The following PCDHA13 variants were observed in gnomAD, a reference collection of about 807,000 sequenced individuals.
The protein encoded by PCDHA13 is protocadherin alpha-13.
PCDHA13 carries 54 observed loss-of-function variants against 64.8 expected under a neutral mutation model. The observed-to-expected ratio is 0.83, with a 90% CI of 0.67 to 1.04. The LOEUF (loss-of-function observed/expected upper bound fraction) is 1.04, where lower values mean the gene tolerates loss of function less well. PCDHA13 is among the 50% of genes least tolerant of loss of function. PCDHA13 has a pLI of 0.00. For missense variants in PCDHA13, 1,248 were observed against 1,254.3 expected, an observed-to-expected ratio of 0.99 and a Z score of 0.08; for synonymous variants, 587 against 564.4, an observed-to-expected ratio of 1.04 and a Z score of -0.57.
intron 1 of PCDHA13, among the ~76,000 whole-genome samples, chr5:140,951,227 G>A (rs181202222): frequency 1.3e-5 from 2 of 152,044 alleles, no homozygotes; most frequent in African/African-American, 2.4e-5. Flanking sequence ...ATTCTTGATG[G>A]TCTTTACCTT....
intron 3 of PCDHA13, among the ~76,000 whole-genome samples, chr5:141,008,176 C>T (rs2098363819): frequency 6.6e-6 from 1 of 152,032 alleles, no homozygotes; most frequent in East Asian, 1.9e-4. Context: ...AAAATGTGAC[C>T]ATTGATTGTG....
At chr5:140,980,160 T>C (rs1408251279) in intron 2 of PCDHA13, among the ~76,000 whole-genome samples, 1 of 152,140 alleles carries the variant, frequency 6.6e-6, no homozygotes, top group East Asian at 1.9e-4. Context: ...TACCAGAATA[T>C]TAGGTATCAG....
rs1554181755 is a variant in PCDHA13 at position 140,884,574 on chromosome 5, T to C, written c.2306T>C (p.Leu769Pro). Residue 769 changes from leucine to proline, a missense_variant, in exon 1 of 4, where the codon CTC becomes CCC. By Grantham distance (98) the Leu-to-Pro change is moderately conservative. Coordinates refer to ENST00000289272, the MANE Select transcript of PCDHA13 (RefSeq NM_018904.3). ...GGGGAGGGCCCGCATAAGACGGACC[T>C]CATGGCCTTCAGTCCCAGCCTTCCT... Reference protein sequence around the residue: ...CSGEGPHKTDLMAFSPSLPPC... With the variant: ...CSGEGPHKTDPMAFSPSLPPC... The C allele has an allele frequency of 6.2e-7, 1 of 1,614,014 alleles. No homozygotes were observed. Among genetic ancestry groups the C allele is most frequent in the East Asian group, 2.2e-5 (1 of 44,890 alleles).
intron 1 of PCDHA13, among the ~76,000 whole-genome samples, chr5:140,885,773 G>T (rs1419137937): frequency 6.6e-6 from 1 of 152,016 alleles, no homozygotes; most frequent in African/African-American, 2.4e-5. Flanking sequence ...TATAGTATTA[G>T]TGAATTTGAG....
intron 2 of PCDHA13, 171 bp downstream of exon 2, chr5:140,979,178 G>T: frequency 1.1e-6 from 1 of 944,140 alleles, no homozygotes; most frequent in Non-Finnish European, 1.3e-6. Flanking sequence ...GATCGCAAAT[G>T]GTCAGTGCCA....
At chr5:140,995,025 C>A (rs1304675289) in intron 3 of PCDHA13, among the ~76,000 whole-genome samples, 1 of 152,146 alleles carries the variant, frequency 6.6e-6, no homozygotes, top group Non-Finnish European at 1.5e-5. Context: ...AAAGAAGATT[C>A]TTTTAAGTTT....
intron 1 of PCDHA13, among the ~76,000 whole-genome samples, chr5:140,942,069 A>G (rs1384507706): frequency 1.3e-5 from 2 of 152,234 alleles, no homozygotes; most frequent in Non-Finnish European, 2.9e-5. Flanking sequence ...TAATTGAGCC[A>G]AGAGAGCACA....
intron 1 of PCDHA13, among the ~76,000 whole-genome samples, chr5:140,910,738 C>G (rs2075147470): frequency 6.6e-6 from 1 of 152,098 alleles, no homozygotes; most frequent in Non-Finnish European, 1.5e-5. Context: ...GCTAACCAAG[C>G]ACATAAATTA....
intron 2 of PCDHA13, among the ~76,000 whole-genome samples, chr5:140,979,752 G>A (rs1048851264): frequency 4.6e-5 from 7 of 152,138 alleles, no homozygotes; most frequent in South Asian, 2.1e-4. Context: ...CATTATTTGC[G>A]AATGTCTTTG....
chr5:140,928,533 T>C (rs112671808), intron 1 of PCDHA13: 1 of 1,614,230 alleles, frequency 6.2e-7, no homozygotes, highest in African/African-American at 1.3e-5. Flanking sequence ...TTGTGGTAGA[T>C]AGGAATGACA....
chr5:140,887,321 C>A (rs1277860165), intron 1 of PCDHA13, among the ~76,000 whole-genome samples: 4 of 152,150 alleles, frequency 2.6e-5, no homozygotes, highest in Non-Finnish European at 5.9e-5. Flanking sequence ...TAGTCTCGAA[C>A]TCCTGACCTC....
intron 1 of PCDHA13, among the ~76,000 whole-genome samples, chr5:140,962,568 A>G (rs915587591): frequency 6.6e-6 from 1 of 152,222 alleles, no homozygotes; most frequent in Non-Finnish European, 1.5e-5. Context: ...CTAAAAGCCA[A>G]TTGTTAATGC....
At chr5:140,927,142 G>T (rs781883795) in intron 1 of PCDHA13, 1 of 1,614,128 alleles carries the variant, frequency 6.2e-7, no homozygotes, top group South Asian at 1.1e-5. Context: ...GGCGGACCGC[G>T]AACAGCTGTG....
At chr5:140,968,332 C>T (rs2096240603) in intron 1 of PCDHA13, 2 of 1,614,158 alleles carry the variant, frequency 1.2e-6, no homozygotes, top group Non-Finnish European at 1.7e-6. Flanking sequence ...CCTCCTATGT[C>T]TCCATTAACA....
At chr5:140,941,401 C>T (rs1200707950) in intron 1 of PCDHA13, among the ~76,000 whole-genome samples, 1 of 149,796 alleles carries the variant, frequency 6.7e-6, no homozygotes, top group Non-Finnish European at 1.5e-5. Flanking sequence ...ACTGCAACCT[C>T]CGCCTCCCGG....
intron 1 of PCDHA13, among the ~76,000 whole-genome samples, chr5:140,962,962 A>G (rs1273558602): frequency 1.3e-5 from 2 of 152,194 alleles, no homozygotes; most frequent in South Asian, 2.1e-4. Flanking sequence ...CTATCCCTAT[A>G]TAGGAAATTT....
chr5:140,882,587 G>C lies in PCDHA13; in HGVS notation c.319G>C (p.Glu107Gln), dbSNP rs559310344. The C allele has an allele frequency of 5.6e-6, 9 of 1,614,256 alleles. No individual in the cohort carries two copies. The highest frequency in any genetic ancestry group is 6.8e-6 in the Non-Finnish European group (8 of 1,180,048). Residue 107 changes from glutamate (E) to glutamine (Q), a missense_variant, in exon 1 of 4, where the codon GAG (glutamate) becomes CAG (glutamine). Coordinates refer to ENST00000289272, the MANE Select transcript of PCDHA13 (RefSeq NM_018904.3). ...GAGCGCGGAGTGCAGCATCCACCTG[G>C]AGGTGATCGTGGACAGGCCTCTGCA... ...GRSAECSIHL[E>Q]VIVDRPLQVF...
At chr5:140,980,350 G>T (rs1382723470) in intron 2 of PCDHA13, among the ~76,000 whole-genome samples, 1 of 152,128 alleles carries the variant, frequency 6.6e-6, no homozygotes, top group Admixed American at 6.5e-5. Context: ...TAACTTCCTG[G>T]ACTGGGCGCG....
intron 1 of PCDHA13, among the ~76,000 whole-genome samples, chr5:140,938,521 T>C (rs2092100005): frequency 6.6e-6 from 1 of 150,974 alleles, no homozygotes; most frequent in African/African-American, 2.4e-5. Context: ...TTTTCTGTTA[T>C]TGAATGGATA....
Sources: allele counts gnomAD v4.1 joint callset (sites outside exome capture counted in the v4.1 genomes callset), GRCh38; gene constraint gnomAD v4.1.1; transcripts MANE v1.5; gene names NCBI Gene and HGNC (gene_info 2026-07-23, HGNC 2026-07-21).